Variants in CPB1 observed in about 807,000 individuals in gnomAD.
CPB1 encodes carboxypeptidase B.
In CPB1, 53 loss-of-function variants were observed where a neutral mutation model predicts 51.4. That is an observed-to-expected ratio of 1.03 (90% CI 0.83 to 1.30). The LOEUF is 1.30. CPB1 is among the 50% of genes most tolerant of loss of function. The probability of loss-of-function intolerance (pLI) is 0.00; values close to 1 mark genes in which losing one functional copy is unlikely to be tolerated. For missense variants in CPB1, 494 were observed against 516.2 expected, an observed-to-expected ratio of 0.96 and a Z score of 0.42; for synonymous variants, 189 against 186.9, an observed-to-expected ratio of 1.01 and a Z score of -0.09.
chr3:148,857,740 A>T, intron 10 of CPB1, 199 bp downstream of exon 10: 1 of 459,294 alleles, frequency 2.2e-6, no homozygotes, highest in South Asian at 3.1e-5. Context: ...ACTTTTCTCT[A>T]AAAAAAATTA....
intron 5 of CPB1, 141 bp from the exon 6 acceptor site, chr3:148,841,682 A>T: frequency 1.6e-6 from 1 of 613,948 alleles, no homozygotes; most frequent in Non-Finnish European, 2.9e-6. Flanking sequence ...TTAGTATTAT[A>T]TTTTAATTTA....
chr3:148,831,976 A>G (rs998981485), intron 2 of CPB1, among the ~76,000 whole-genome samples: 16 of 152,188 alleles, frequency 1.1e-4, no homozygotes, highest in African/African-American at 3.4e-4. Context: ...CCTAGGAAGT[A>G]TCAGAGACTA....
In CPB1 at chr3:148,844,520, C is replaced by A; in HGVS notation, c.619C>A (p.Leu207Ile). The change falls in exon 7 of 11, where the codon CTC (leucine) becomes ATC (isoleucine). Residue 207 changes from leucine to isoleucine, a missense_variant. Physicochemically the swap from Leu to Ile is conservative, Grantham distance 5. Transcript: ENST00000282957. ...YGREIQVTEL[L>I]DKLDFYVLPV... is the part of the protein sequence containing the mutation. Reference sequence around the variant, plus strand: ...ACGTGAGATCCAAGTGACAGAGCTTCTCGACAAGTTAGACTTTTATGTCCT... The same window carrying A: ...ACGTGAGATCCAAGTGACAGAGCTTATCGACAAGTTAGACTTTTATGTCCT... 6.2e-7 allele frequency: 1 copy of A among 1,613,940 alleles called. No homozygotes were observed. Among genetic ancestry groups the A allele is most frequent in the Non-Finnish European group, 8.5e-7 (1 of 1,179,880 alleles).
chr3:148,846,043 C>T (rs1713229149), intron 9 of CPB1, among the ~76,000 whole-genome samples: 1 of 152,030 alleles, frequency 6.6e-6, no homozygotes, highest in Admixed American at 6.6e-5. Context: ...CAGCAGATGT[C>T]ATTAGGAATT....
At chr3:148,841,343 A>C (rs181857774) in intron 5 of CPB1, among the ~76,000 whole-genome samples, 1 of 152,378 alleles carries the variant, frequency 6.6e-6, no homozygotes, top group East Asian at 1.9e-4. Flanking sequence ...ATTACAAAGC[A>C]CATCAACAAT....
In CPB1 at chr3:148,837,986, C is replaced by T. The variant is rs117367058; in HGVS notation, c.273-2700C>T. Reference sequence around the variant, plus strand: ...AAACTCGGCCAGGCGAGGTGGCTCACACCTATAATCCCAGCACCTTGGGAG... The same window carrying T: ...AAACTCGGCCAGGCGAGGTGGCTCATACCTATAATCCCAGCACCTTGGGAG... On this transcript the variant is annotated intron_variant, in intron 3 of 10. Coordinates refer to ENST00000282957, the MANE Select transcript of CPB1 (RefSeq NM_001871.3). Among the ~76,000 whole-genome samples the T allele has an allele frequency of 5.6e-3, 848 of 152,272 alleles. 11 individuals are homozygous for T. Among genetic ancestry groups the T allele is most frequent in the East Asian group, 0.039 (201 of 5,178 alleles).
In CPB1 at chr3:148,841,895, C is replaced by G. The variant is rs1299526943; in HGVS notation, c.547C>G (p.Pro183Ala). ...CGFHAREWIS[P>A]AFCQWFVREA... ...TTTCCATGCCAGAGAGTGGATTTCT[C>G]CTGCATTCTGCCAGTGGTTTGTAAG... is the stretch of plus-strand genomic sequence containing the variant. Residue 183 changes from proline to alanine, a missense_variant, in exon 6 of 11, where the codon CCT (proline) becomes GCT (alanine). Physicochemically the swap from Pro to Ala is conservative, Grantham distance 27 (BLOSUM62 -1). Transcript: ENST00000282957. The G allele has an allele frequency of 6.2e-7, 1 of 1,613,750 alleles. No individual in the cohort carries two copies. Among genetic ancestry groups the G allele is most frequent in the Admixed American group, 1.7e-5 (1 of 60,004 alleles).
chr3:148,848,438 A>G (rs1310202983), intron 9 of CPB1, among the ~76,000 whole-genome samples: 1 of 152,152 alleles, frequency 6.6e-6, no homozygotes, highest in African/African-American at 2.4e-5. Flanking sequence ...AAAGGAAACA[A>G]TGAGGACTTA....
chr3:148,830,989 C>T (rs1330002748), intron 2 of CPB1, among the ~76,000 whole-genome samples: 1 of 152,118 alleles, frequency 6.6e-6, no homozygotes, highest in Admixed American at 6.5e-5. Flanking sequence ...ACAAGGGCAT[C>T]CAGTCTTTGT....
rs778069490 is a variant in CPB1 at position 148,859,839 on chromosome 3, A to C, written c.1091A>C (p.Asp364Ala). The C allele has an allele frequency of 8.1e-6, 13 of 1,613,822 alleles. No individual in the cohort carries two copies. The South Asian group carries it at 1.4e-4, about 18-fold the overall frequency. ...GATCCTGCTGCTGGGGGCTCTGACG[A>C]CTGGGCTTATGACCAAGGAATCAGA... ...TIYPAAGGSD[D>A]WAYDQGIRYS... The change falls in exon 11 of 11, where the codon GAC (aspartate) becomes GCC (alanine). Residue 364 changes from aspartate to alanine, a missense_variant. Coordinates refer to ENST00000282957, the MANE Select transcript of CPB1 (RefSeq NM_001871.3).
intron 3 of CPB1, among the ~76,000 whole-genome samples, chr3:148,835,024 CT>C (rs1241595637): frequency 1.3e-5 from 2 of 152,048 alleles, no homozygotes; most frequent in African/African-American, 4.8e-5. Context: ...GCTATTTGTG[CT>C]TTTTTTAGCA....
chr3:148,844,842 T>C, intron 8 of CPB1, 75 bp downstream of exon 8: 3 of 1,295,914 alleles, frequency 2.3e-6, no homozygotes, highest in Non-Finnish European at 3.3e-6. Flanking sequence ...CACAACAGTA[T>C]CTAAAATAAA....
chr3:148,847,194 A>G (rs967270876), intron 9 of CPB1, among the ~76,000 whole-genome samples: 2 of 151,804 alleles, frequency 1.3e-5, no homozygotes, highest in African/African-American at 2.4e-5. Context: ...GACTAACACT[A>G]AAGAATAAAG....
intron 9 of CPB1, chr3:148,856,231 T>C (rs1011397379): frequency 1.3e-5 from 2 of 152,242 alleles, no homozygotes; most frequent in African/African-American, 4.8e-5. Flanking sequence ...AGGAAGCTGA[T>C]TGCATCATTT....
chr3:148,835,377 C>T (rs9815096), intron 3 of CPB1, among the ~76,000 whole-genome samples: 105,234 of 152,070 alleles, frequency 0.69, 38,062 homozygotes, highest in East Asian at 0.9. Context: ...TAGTATTTAA[C>T]AGATGGAAAG....
intron 10 of CPB1, 116 bp from the exon 11 acceptor site, chr3:148,859,699 G>A (rs763486954): frequency 1.3e-4 from 120 of 936,168 alleles, no homozygotes; most frequent in Non-Finnish European, 1.6e-4. Flanking sequence ...TAGAAAATTG[G>A]CCTACTCAAA....
chr3:148,859,923 C>T lies in CPB1; in HGVS notation c.1175C>T (p.Ser392Phe). 1 of 1,614,148 alleles carries T rather than the reference C, an allele frequency of 6.2e-7. No homozygotes were observed. Among genetic ancestry groups the T allele is most frequent in the Non-Finnish European group, 8.5e-7 (1 of 1,180,010 alleles). Residue 392 changes from serine (S) to phenylalanine (F), a missense_variant, in exon 11 of 11, where the codon TCC (serine) becomes TTC (phenylalanine). By Grantham distance (155) the Ser-to-Phe change is radical (BLOSUM62 -2). Coordinates refer to ENST00000282957, the MANE Select transcript of CPB1 (RefSeq NM_001871.3). ...TGRYGFLLPE[S>F]QIRATCEETF... ...AGATATGGCTTTCTCCTTCCAGAAT[C>T]CCAGATCCGGGCTACCTGCGAGGAG...
intron 2 of CPB1, among the ~76,000 whole-genome samples, chr3:148,833,503 G>T (rs1712799281): frequency 6.6e-6 from 1 of 152,022 alleles, no homozygotes. Context: ...TCCAATCAGT[G>T]GTCCTAAATA....
intron 9 of CPB1, among the ~76,000 whole-genome samples, chr3:148,846,819 A>ATG (rs1420730719): frequency 9.5e-6 from 1 of 104,958 alleles, no homozygotes; most frequent in East Asian, 2.7e-4. Flanking sequence ...ATATATATAT[A>ATG]TATATATATA....
Sources: allele counts gnomAD v4.1 joint callset (sites outside exome capture counted in the v4.1 genomes callset), GRCh38; gene constraint gnomAD v4.1.1; transcripts MANE v1.5; gene names NCBI Gene and HGNC (gene_info 2026-07-23, HGNC 2026-07-21).